The following LIMK2 variants were observed in gnomAD, a reference collection of about 807,000 sequenced individuals.
LIMK2 encodes the protein LIM domain kinase 2.
In LIMK2, 35 loss-of-function variants were observed where a neutral mutation model predicts 75.7. That is an observed-to-expected ratio of 0.46 (90% CI 0.35 to 0.61). The LOEUF is 0.61. LIMK2 is among the 20% of genes least tolerant of loss of function. The pLI is 0.00. For missense variants in LIMK2, 623 were observed against 831.0 expected, an observed-to-expected ratio of 0.75 and a Z score of 3.08; for synonymous variants, 301 against 319.2, an observed-to-expected ratio of 0.94 and a Z score of 0.61.
chr22:31,218,790 G>T (rs1287032835), intron 1 of LIMK2, among the ~76,000 whole-genome samples: 1 of 152,162 alleles, frequency 6.6e-6, no homozygotes, highest in East Asian at 1.9e-4. Context: ...GGGCCCAGGG[G>T]TTACCATACT....
intron 7 of LIMK2, 147 bp from the exon 8 acceptor site, chr22:31,265,799 C>A: frequency 1.6e-6 from 1 of 632,070 alleles, no homozygotes; most frequent in South Asian, 2.1e-5. Context: ...AATGATACAT[C>A]TGATGTAAGA....
chr22:31,226,367 T>C (rs191712494), intron 2 of LIMK2, among the ~76,000 whole-genome samples: 373 of 151,404 alleles, frequency 2.5e-3, no homozygotes, highest in Middle Eastern at 0.01. Context: ...CATGCGCAGC[T>C]AATTTTTGTA....
chr22:31,258,502 G>A (rs2048807075), intron 3 of LIMK2, 76 bp downstream of exon 3: 1 of 1,491,234 alleles, frequency 6.7e-7, no homozygotes. Flanking sequence ...CCTGTGGCCT[G>A]TTAATCTTTT....
At chr22:31,256,999 G>T (rs1601428703) in intron 2 of LIMK2, among the ~76,000 whole-genome samples, 1 of 149,898 alleles carries the variant, frequency 6.7e-6, no homozygotes, top group South Asian at 2.1e-4. Flanking sequence ...TTGAGAGGTG[G>T]AGCTTCATAG....
chr22:31,220,806 T>C (rs573591639), intron 1 of LIMK2, among the ~76,000 whole-genome samples: 19 of 152,006 alleles, frequency 1.2e-4, no homozygotes, highest in African/African-American at 3.6e-4. Flanking sequence ...CTACTAAAAA[T>C]ACAAAATTAG....
intron 1 of LIMK2, among the ~76,000 whole-genome samples, chr22:31,213,973 G>A (rs1413456597): frequency 1.3e-5 from 2 of 151,936 alleles, no homozygotes; most frequent in Admixed American, 1.3e-4. Flanking sequence ...CCGCCACCAC[G>A]CCCGGCTAAT....
At chr22:31,276,868 A>T (rs1283941638) in intron 15 of LIMK2, 2 of 1,612,264 alleles carry the variant, frequency 1.2e-6, no homozygotes, top group South Asian at 2.2e-5. Context: ...GAAGGTCACC[A>T]TCAAGTATGA....
chr22:31,232,106 T>C, intron 2 of LIMK2, among the ~76,000 whole-genome samples: 1 of 151,994 alleles, frequency 6.6e-6, no homozygotes, highest in Non-Finnish European at 1.5e-5. Flanking sequence ...TAAGCCACTG[T>C]GCCTGGCCAG....
chr22:31,271,217 C>G lies in LIMK2; in HGVS notation c.1383+16C>G, dbSNP rs774672698. ...CATCAAGTTGGTATGTCCCACTGCTCTGGGCCTGGCCTCCAGGGTCCTATC... is the reference window on the plus strand; with the variant it reads ...CATCAAGTTGGTATGTCCCACTGCTGTGGGCCTGGCCTCCAGGGTCCTATC... On this transcript the variant is annotated intron_variant, in intron 12 of 15. Coordinates refer to ENST00000331728, the MANE Select transcript of LIMK2 (RefSeq NM_005569.4). 2.5e-6 allele frequency: 4 copies of G among 1,611,062 alleles called. No individual in the cohort carries two copies. The highest frequency in any genetic ancestry group is 2.5e-6 in the Non-Finnish European group (3 of 1,177,272).
At chr22:31,218,612 GTATC>G (rs2048407272) in intron 1 of LIMK2, among the ~76,000 whole-genome samples, 1 of 152,140 alleles carries the variant, frequency 6.6e-6, no homozygotes, top group African/African-American at 2.4e-5. Context: ...TACAGGGAGA[GTATC>G]TAGAGGCATG....
rs754358726 is a variant in LIMK2, at chr22:31,277,191, C to G, written c.1773-1106C>G. The G allele has an allele frequency of 1.5e-5, 24 of 1,610,474 alleles. No homozygotes were observed. The South Asian group carries it at 2.6e-4, about 18-fold the overall frequency. On this transcript the variant is annotated intron_variant, in intron 15 of 15. Coordinates refer to ENST00000331728, the MANE Select transcript of LIMK2 (RefSeq NM_005569.4). ...GCTCCCATAGGACAATCGCTACCCCCCGACCTCGTAGCAACAGCAATACCG... is the reference window on the plus strand; with the variant it reads ...GCTCCCATAGGACAATCGCTACCCCGCGACCTCGTAGCAACAGCAATACCG...
chr22:31,274,558 G>A (rs1231833691), intron 14 of LIMK2, among the ~76,000 whole-genome samples: 1 of 151,922 alleles, frequency 6.6e-6, no homozygotes, highest in African/African-American at 2.4e-5. Flanking sequence ...GCGCCACCAC[G>A]CCTGGCTAAT....
intron 7 of LIMK2, among the ~76,000 whole-genome samples, chr22:31,265,173 G>A (rs554434630): frequency 2.2e-3 from 253 of 115,554 alleles, no homozygotes; most frequent in Admixed American, 3.4e-3. Context: ...CAGCCTGGGC[G>A]ACAGAGTGAG....
chr22:31,277,300 T>C, intron 15 of LIMK2: 4 of 1,455,822 alleles, frequency 2.7e-6, no homozygotes, highest in African/African-American at 1.4e-5. Flanking sequence ...CCCCCTCAGT[T>C]TTCCACTTTT....
At chr22:31,234,146 G>T (rs1389104888) in intron 2 of LIMK2, among the ~76,000 whole-genome samples, 2 of 151,876 alleles carry the variant, frequency 1.3e-5, no homozygotes, top group Non-Finnish European at 2.9e-5. Context: ...CCAAGTAGCT[G>T]GGATTAAGGC....
intron 2 of LIMK2, among the ~76,000 whole-genome samples, chr22:31,231,140 A>G (rs900259411): frequency 6.6e-6 from 1 of 152,262 alleles, no homozygotes; most frequent in Admixed American, 6.5e-5. Flanking sequence ...ATGCAAGCAT[A>G]TTTCTTAACC....
rs2048971084 is a variant in LIMK2, at chr22:31,272,630, T to G, written c.1484T>G (p.Leu495Trp). ...AAGGCCACCACCAAGAAACGCACCT[T>G]GCGCAAGAACGACCGCAAGAAGCGC... is the stretch of plus-strand genomic sequence containing the variant. ...MEKATTKKRTLRKNDRKKRYT... is the reference protein window; with the variant it reads ...MEKATTKKRTWRKNDRKKRYT... The change falls in exon 13 of 16, where the codon TTG (leucine) becomes TGG (tryptophan). Residue 495 changes from leucine (L) to tryptophan (W), a missense_variant. Leu to Trp is a moderately conservative substitution (Grantham distance 61). Around this residue, in one of 3 missense-constraint regions of LIMK2, gnomAD observed 514 missense variants for 661.3 expected, o/e 0.78. Coordinates refer to ENST00000331728, the MANE Select transcript of LIMK2 (RefSeq NM_005569.4). The G allele has an allele frequency of 6.2e-7, 1 of 1,612,338 alleles. No individual in the cohort carries two copies. The highest frequency in any genetic ancestry group is 8.5e-7 in the Non-Finnish European group (1 of 1,179,502).
At chr22:31,247,244 T>A (rs918533689) in intron 2 of LIMK2, among the ~76,000 whole-genome samples, 3 of 152,196 alleles carry the variant, frequency 2.0e-5, no homozygotes, top group Non-Finnish European at 4.4e-5. Context: ...GCAGCCTTGC[T>A]TTTTCCTTTA....
In LIMK2 at chr22:31,254,019, CAT is replaced by C. The variant is rs1003721800; in HGVS notation, c.117-4271_117-4270del. On this transcript the variant is annotated intron_variant, in intron 2 of 15. Coordinates refer to ENST00000331728, the MANE Select transcript of LIMK2 (RefSeq NM_005569.4). ...TGTTCACCTTCCAGTTCTTCAGAGA[CAT>C]GTGTGGCAGTGACTTTGGCCACATA... 1.3e-4 allele frequency among the ~76,000 whole-genome samples: 20 copies of C among 152,322 alleles called. 1 individual carries two copies. The highest frequency in any genetic ancestry group is 1.0e-3 in the Admixed American group (16 of 15,306).
Sources: gnomAD v4.1 joint callset for allele counts (sites outside exome capture counted in the v4.1 genomes callset) on GRCh38, gnomAD v4.1.1 for gene constraint, gnomAD v4.1.1 regional missense constraint, MANE v1.5 for transcripts, NCBI Gene and HGNC (gene_info 2026-07-23, HGNC 2026-07-21) for gene names.